PJA2: variants seen among roughly 807,000 people sequenced by gnomAD.
The protein encoded by PJA2 is praja ring finger ubiquitin ligase 2.
In PJA2, 25 loss-of-function variants were observed where a neutral mutation model predicts 69.3. The ratio of observed to expected loss-of-function variants is 0.36; its 90% CI spans 0.26 to 0.50. The LOEUF is 0.50. Ranked by LOEUF, PJA2 falls within the 20% of genes least tolerant of loss-of-function variation. The probability of loss-of-function intolerance (pLI) is 0.96; values close to 1 mark genes in which losing one functional copy is unlikely to be tolerated. For synonymous variants in PJA2, 308 were observed against 277.8 expected, an observed-to-expected ratio of 1.11 and a Z score of -1.08; for missense variants, 809 against 830.2, an observed-to-expected ratio of 0.97 and a Z score of 0.31.
At chr5:109,353,671 A>G (rs1437865113) in intron 7 of PJA2, among the ~76,000 whole-genome samples, 2 of 147,312 alleles carry the variant, frequency 1.4e-5, no homozygotes, top group African/African-American at 2.4e-5. Context: ...TTATATCTAC[A>G]GACATCTATA....
intron 1 of PJA2, among the ~76,000 whole-genome samples, chr5:109,387,486 G>C (rs905201345): frequency 6.6e-6 from 1 of 152,182 alleles, no homozygotes; most frequent in African/African-American, 2.4e-5. Flanking sequence ...TTGCTGATTA[G>C]TTGTTTCCTC....
At chr5:109,395,190 TG>T (rs1488936296) in intron 1 of PJA2, among the ~76,000 whole-genome samples, 1 of 152,030 alleles carries the variant, frequency 6.6e-6, no homozygotes, top group Non-Finnish European at 1.5e-5. Flanking sequence ...GTAACATACA[TG>T]AGAAATAACG....
At chr5:109,406,818 C>T (rs1375298409) in intron 1 of PJA2, among the ~76,000 whole-genome samples, 1 of 152,190 alleles carries the variant, frequency 6.6e-6, no homozygotes, top group African/African-American at 2.4e-5. Flanking sequence ...GAATGGTCAA[C>T]AAACTAGTAA....
rs869033444 is a variant in PJA2 at position 109,343,273 on chromosome 5, C to CA, written c.2001+916dup. Among the ~76,000 whole-genome samples, 130 of 19,366 alleles carry CA rather than the reference C, an allele frequency of 6.7e-3. 2 individuals carry two copies. Among genetic ancestry groups the CA allele is most frequent in the South Asian group, 0.038 (18 of 474 alleles). The allele number at this position is 19,366 out of a possible 152,430, so 12.7% of individuals were successfully genotyped here. A position where few individuals can be genotyped will look rare whatever the true frequency, so the allele number is the denominator to read the frequency against. On this transcript the variant is annotated intron_variant, in intron 9 of 9. Transcript: ENST00000361189. ...AGGATTAAATGGATTAAGGGCGGTG[C>CA]AAAAAAAAAAAAAAAAAAAGAAAGA...
At chr5:109,357,288 CACAA>C (rs527974503) in intron 6 of PJA2, among the ~76,000 whole-genome samples, 117 of 145,564 alleles carry the variant, frequency 8.0e-4, no homozygotes, top group African/African-American at 2.6e-3. Flanking sequence ...CCTAAACATC[CACAA>C]ACAACCTAGC....
chr5:109,363,081 G>T, intron 5 of PJA2, 59 bp from the exon 6 acceptor site: 1 of 1,400,936 alleles, frequency 7.1e-7, no homozygotes. Flanking sequence ...CCATAACACT[G>T]TCTTTAATTC....
chr5:109,375,433 A>T (rs968581226), intron 4 of PJA2, among the ~76,000 whole-genome samples: 4 of 152,080 alleles, frequency 2.6e-5, no homozygotes, highest in East Asian at 1.9e-4. Context: ...ACTTGAACCT[A>T]GGAGGCAGAG....
At chr5:109,384,676 T>A (rs76476229) in intron 1 of PJA2, among the ~76,000 whole-genome samples, 4,629 of 152,268 alleles carry the variant, frequency 0.03, 94 homozygotes, top group Middle Eastern at 0.048. Context: ...ACCCATATAA[T>A]TTATAAATTC....
chr5:109,348,561 C>T (rs1042723017), intron 7 of PJA2, among the ~76,000 whole-genome samples: 1 of 152,140 alleles, frequency 6.6e-6, no homozygotes, highest in African/African-American at 2.4e-5. Context: ...AACAGTGTGC[C>T]CTCCACAGAC....
rs759458569 is a variant in PJA2, at chr5:109,381,654, C to A, written c.81G>T (p.Gly27=). 4 of 1,613,866 alleles carry A rather than the reference C, an allele frequency of 2.5e-6. No individual in the cohort carries two copies. The Admixed American group carries it at 5.0e-5, about 20-fold the overall frequency. ...ATCTCCTGCCTGTAATTGTCTGATA[C>A]CCTCCTGCTGGTTTGGGCCAGACAG... ...GKAVWPKPAG[G]YQTITGRRYG... is the part of the protein sequence containing the mutation. Residue 27 remains glycine, a synonymous_variant, in exon 3 of 10, where the codon GGG becomes GGT. Coordinates refer to ENST00000361189, the MANE Select transcript of PJA2 (RefSeq NM_014819.5).
At chr5:109,362,572 G>A (rs894428408) in intron 6 of PJA2, among the ~76,000 whole-genome samples, 1 of 151,948 alleles carries the variant, frequency 6.6e-6, no homozygotes, top group Admixed American at 6.6e-5. Context: ...TTAAACGTCA[G>A]AAATCCAAAA....
At chr5:109,372,081 T>C (rs1443423434) in intron 4 of PJA2, among the ~76,000 whole-genome samples, 1 of 152,220 alleles carries the variant, frequency 6.6e-6, no homozygotes, top group Non-Finnish European at 1.5e-5. Flanking sequence ...GGATAAGCAA[T>C]AGCCATTAAG....
chr5:109,374,360 T>C (rs1746780882), intron 4 of PJA2, among the ~76,000 whole-genome samples: 1 of 152,230 alleles, frequency 6.6e-6, no homozygotes, highest in South Asian at 2.1e-4. Context: ...GATCTGTGCC[T>C]TGGCTGCATA....
Position 109,379,105 on chromosome 5 carries a change from C to G in PJA2, c.382G>C (p.Gly128Arg), listed in dbSNP as rs745485058. The G allele has an allele frequency of 6.2e-7, 1 of 1,614,090 alleles. No individual in the cohort carries two copies. Among genetic ancestry groups the G allele is most frequent in the Admixed American group, 1.7e-5 (1 of 60,020 alleles). ...SFVAVHHSEE[G>R]RDTLGSSTNL... ...GTACTGCTTCCTAAGGTATCCCTGC[C>G]TTCCTCACTGTGATGTACTGCAACA... Residue 128 changes from glycine (G) to arginine (R), a missense_variant, in exon 4 of 10, where the codon GGC becomes CGC. Coordinates refer to ENST00000361189, the MANE Select transcript of PJA2 (RefSeq NM_014819.5).
chr5:109,369,758 A>G (rs992842700), intron 4 of PJA2, among the ~76,000 whole-genome samples: 26 of 152,218 alleles, frequency 1.7e-4, no homozygotes, highest in African/African-American at 6.3e-4. Context: ...CAGGCCGGGC[A>G]TGGTGGCTCA....
In PJA2 at chr5:109,335,196, T is replaced by A. The variant is rs1761917721; in HGVS notation, c.*2035A>T. 6.6e-6 allele frequency: 1 copy of A among 152,622 alleles called. No individual in the cohort carries two copies. The highest frequency in any genetic ancestry group is 1.5e-5 in the Non-Finnish European group (1 of 68,034). The allele number at this position is 152,622 out of a possible 1,614,324, so 9.5% of individuals were successfully genotyped here. A position where few individuals can be genotyped will look rare whatever the true frequency, so the allele number is the denominator to read the frequency against. On this transcript the variant is annotated 3_prime_UTR_variant, in exon 10 of 10. Coordinates refer to ENST00000361189, the MANE Select transcript of PJA2 (RefSeq NM_014819.5). ...TACCATGAAAATCCTAAAACCTCAA[T>A]TTTCTTTTTCTTTTTTAAAATTTAA... is the stretch of plus-strand genomic sequence containing the variant.
intron 9 of PJA2, among the ~76,000 whole-genome samples, chr5:109,340,622 C>G (rs1301453735): frequency 5.6e-3 from 6 of 1,074 alleles, no homozygotes; most frequent in Non-Finnish European, 0.013. Flanking sequence ...TTGGGTCCCT[C>G]CCCCTCCCCC....
At chr5:109,384,193 T>C (rs1424851445) in intron 1 of PJA2, among the ~76,000 whole-genome samples, 1 of 152,202 alleles carries the variant, frequency 6.6e-6, no homozygotes, top group Admixed American at 6.5e-5. Context: ...TGCTTCTCTG[T>C]CAAGCAGTAA....
At chr5:109,347,269 TTAAA>T (rs140891667) in intron 7 of PJA2, among the ~76,000 whole-genome samples, 2,336 of 152,344 alleles carry the variant, frequency 0.015, 22 homozygotes, top group South Asian at 0.033. Flanking sequence ...TTTGGGCCTT[TTAAA>T]TATTTTTCCT....
Sources: allele counts gnomAD v4.1 joint callset (sites outside exome capture counted in the v4.1 genomes callset), GRCh38; gene constraint gnomAD v4.1.1; transcripts MANE v1.5; gene names NCBI Gene and HGNC (gene_info 2026-07-23, HGNC 2026-07-21).